Variants in KLKB1 observed in about 807,000 individuals in gnomAD.
The protein encoded by KLKB1 is plasma kallikrein.
A neutral mutation model predicts 73.6 loss-of-function variants in KLKB1; 58 were observed. The ratio of observed to expected loss-of-function variants is 0.79; its 90% CI spans 0.64 to 0.98. The LOEUF is 0.98. Among genes scored for constraint, KLKB1 ranks in the 50% least tolerant of loss-of-function variants. The pLI, the probability that KLKB1 is intolerant of heterozygous loss-of-function variation, is 0.00. For synonymous variants in KLKB1, 280 were observed against 258.1 expected (o/e 1.08, Z -0.81); for missense variants, 737 against 763.8 (o/e 0.96, Z 0.41).
intron 9 of KLKB1, 31 bp from the exon 10 acceptor site, chr4:186,251,718 G>T (rs1466158930): frequency 1.9e-6 from 3 of 1,605,566 alleles, no homozygotes; most frequent in South Asian, 1.1e-5. Flanking sequence ...CCCTGTGAAG[G>T]CTTACTCTTT....
upstream of KLKB1, among the ~76,000 whole-genome samples, chr4:186,226,917 T>C (rs4253236): frequency 0.7 from 105,599 of 151,896 alleles, 37,315 homozygotes; most frequent in African/African-American, 0.81. Flanking sequence ...AAGTCTAGGT[T>C]TTGTGTGGCC....
At chr4:186,257,753 G>GTGTA (rs1175802753) in intron 14 of KLKB1, among the ~76,000 whole-genome samples, 1 of 112,884 alleles carries the variant, frequency 8.9e-6, no homozygotes, top group Non-Finnish European at 2.2e-5. Context: ...GAGTGTGTGT[G>GTGTA]TGTGTGTGTG....
chr4:186,247,908 G>A (rs539792487), intron 6 of KLKB1, among the ~76,000 whole-genome samples: 8 of 152,200 alleles, frequency 5.3e-5, no homozygotes, highest in African/African-American at 1.9e-4. Context: ...ATTGCACAAC[G>A]ATCACCACTG....
upstream of KLKB1, among the ~76,000 whole-genome samples, chr4:186,225,868 T>C (rs1375291606): frequency 6.6e-6 from 1 of 152,188 alleles, no homozygotes; most frequent in Non-Finnish European, 1.5e-5. Flanking sequence ...AACTTTCTCT[T>C]TCTCTACTTC....
chr4:186,225,487 AGTGGCG>A (rs1257236114), upstream of KLKB1, among the ~76,000 whole-genome samples: 669 of 126,156 alleles, frequency 5.3e-3, 7 homozygotes, highest in African/African-American at 0.021. Flanking sequence ...TGCAGTGTGC[AGTGGCG>A]CAATCTCGGC....
At position 186,229,944 on chromosome 4, in the gene KLKB1, T is replaced by C. The variant is rs116242781; in HGVS notation, c.58+1691T>C. ...ATCTAGAAATAAGACTCTTATGTTT[T>C]TTTTTTCCAATTTGACTTGAAACTT... On this transcript the variant is annotated intron_variant, in intron 2 of 14. Transcript: ENST00000264690. Among the ~76,000 whole-genome samples the C allele has an allele frequency of 7.0e-3, 1,062 of 152,284 alleles. 7 individuals carry two copies. The highest frequency in any genetic ancestry group is 0.023 in the African/African-American group (971 of 41,554).
intron 2 of KLKB1, among the ~76,000 whole-genome samples, chr4:186,230,773 G>A (rs1173801617): frequency 3.3e-5 from 5 of 152,192 alleles, no homozygotes; most frequent in Non-Finnish European, 1.5e-5. Flanking sequence ...ATCCTTGCAT[G>A]GGAACTGGGG....
intron 11 of KLKB1, among the ~76,000 whole-genome samples, chr4:186,253,701 C>T (rs541914324): frequency 6.6e-6 from 1 of 152,228 alleles, no homozygotes; most frequent in South Asian, 2.1e-4. Flanking sequence ...TAAAGATTTC[C>T]AGATCTTTGC....
intron 13 of KLKB1, 103 bp from the exon 14 acceptor site, chr4:186,257,123 T>G: frequency 1.6e-6 from 1 of 638,478 alleles, no homozygotes; most frequent in Non-Finnish European, 2.5e-6. Flanking sequence ...TATTTCCATA[T>G]TTATTATTTA....
At chr4:186,224,880 C>A (rs940662007), upstream of KLKB1, among the ~76,000 whole-genome samples, 1 of 152,124 alleles carries the variant, frequency 6.6e-6, no homozygotes, top group Non-Finnish European at 1.5e-5. Context: ...GAATTGTAAT[C>A]CCCACATGGG....
intron 6 of KLKB1, among the ~76,000 whole-genome samples, chr4:186,248,595 A>ATTTTTTTTTTTTTTTTTTTTTT (rs138717531): frequency 1.7e-5 from 2 of 114,908 alleles, no homozygotes; most frequent in East Asian, 2.7e-4. Context: ...TTGTTTCTGG[A>ATTTTTTTTTTTTTTTTTTTTTT]TTTTTTTTTT....
At chr4:186,242,237 C>T (rs998157052) in intron 6 of KLKB1, among the ~76,000 whole-genome samples, 6 of 152,080 alleles carry the variant, frequency 3.9e-5, no homozygotes, top group African/African-American at 1.4e-4. Context: ...AGGCAGGAAC[C>T]GGCCATTTTC....
chr4:186,237,072 T>TA, intron 5 of KLKB1, 132 bp downstream of exon 5: 1 of 729,302 alleles, frequency 1.4e-6, no homozygotes, highest in Admixed American at 2.9e-5. Flanking sequence ...CTCATTTACT[T>TA]ACTCTATTTT....
intron 12 of KLKB1, 32 bp from the exon 13 acceptor site, chr4:186,255,960 G>T: frequency 1.5e-6 from 2 of 1,348,528 alleles, no homozygotes; most frequent in Middle Eastern, 1.8e-4. Flanking sequence ...AACTTTATTT[G>T]ACCAAACTCT....
intron 2 of KLKB1, among the ~76,000 whole-genome samples, chr4:186,229,939 TG>T (rs765580678): frequency 6.0e-4 from 92 of 152,262 alleles, no homozygotes; most frequent in Admixed American, 1.0e-3. Flanking sequence ...AAGACTCTTA[TG>T]TTTTTTTTTT....
chr4:186,214,105 A>C (rs2126608463), intron 2 of KLKB1, among the ~76,000 whole-genome samples: 1 of 152,294 alleles, frequency 6.6e-6, no homozygotes, highest in South Asian at 2.1e-4. Context: ...TGAAGAAGAG[A>C]TACAGTCCAT....
intron 6 of KLKB1, among the ~76,000 whole-genome samples, chr4:186,239,715 G>GT (rs1306069651): frequency 5.1e-5 from 4 of 78,480 alleles, no homozygotes; most frequent in Admixed American, 1.3e-4. Context: ...ATAGTTATAG[G>GT]ACAGTGATAT....
intron 6 of KLKB1, 136 bp downstream of exon 6, chr4:186,238,501 T>C: frequency 1.4e-6 from 1 of 714,484 alleles, no homozygotes; most frequent in South Asian, 1.5e-5. Flanking sequence ...TGGCATGCAG[T>C]TACGGGCTTC....
chr4:186,225,727 C>T (rs1737148313), upstream of KLKB1, among the ~76,000 whole-genome samples: 1 of 152,112 alleles, frequency 6.6e-6, no homozygotes, highest in Non-Finnish European at 1.5e-5. Flanking sequence ...AGCCACTGCA[C>T]CTGGCCGAGG....
Sources: gnomAD v4.1 joint callset for allele counts (sites outside exome capture counted in the v4.1 genomes callset) on GRCh38, gnomAD v4.1.1 for gene constraint, MANE v1.5 for transcripts, NCBI Gene and HGNC (gene_info 2026-07-23, HGNC 2026-07-21) for gene names.